Variants in NKAIN3 observed in about 807,000 individuals in gnomAD.
The protein encoded by NKAIN3 is sodium/potassium transporting ATPase interacting 3.
NKAIN3 carries 25 observed loss-of-function variants against 30.2 expected under a neutral mutation model. That is an observed-to-expected ratio of 0.83 (90% CI 0.60 to 1.16). The LOEUF is 1.16. Among genes scored for constraint, NKAIN3 ranks in the 50% most tolerant of loss-of-function variants. NKAIN3 has a pLI of 0.00. For missense variants in NKAIN3, 225 were observed against 254.1 expected, an observed-to-expected ratio of 0.89 and a Z score of 0.78; for synonymous variants, 91 against 89.6, an observed-to-expected ratio of 1.02 and a Z score of -0.09.
At chr8:62,442,477 A>G (rs373823660) in intron 1 of NKAIN3, among the ~76,000 whole-genome samples, 55 of 151,996 alleles carry the variant, frequency 3.6e-4, no homozygotes, top group African/African-American at 1.3e-3. Flanking sequence ...TTGCCCTCCC[A>G]TAGACACTGA....
At chr8:62,438,110 G>A (rs569909328) in intron 1 of NKAIN3, among the ~76,000 whole-genome samples, 1 of 152,308 alleles carries the variant, frequency 6.6e-6, no homozygotes, top group Admixed American at 6.5e-5. Flanking sequence ...CGGGGCAGCT[G>A]TGCAGCTTCC....
At chr8:62,489,026 ATTTG>A (rs1034344406) in intron 1 of NKAIN3, among the ~76,000 whole-genome samples, 2 of 152,144 alleles carry the variant, frequency 1.3e-5, no homozygotes, top group African/African-American at 4.8e-5. Context: ...ACAATCATCT[ATTTG>A]TTTAATTTGA....
chr8:62,296,188 G>A (rs2129587497), intron 1 of NKAIN3, among the ~76,000 whole-genome samples: 1 of 152,262 alleles, frequency 6.6e-6, no homozygotes, highest in East Asian at 1.9e-4. Flanking sequence ...CTCCTTCATA[G>A]GGAAATTAAA....
rs145998072 is a variant in NKAIN3 at position 62,520,102 on chromosome 8, A to T, written c.55-59437A>T. On this transcript the variant is annotated intron_variant, in intron 1 of 6. Coordinates refer to ENST00000623646, the MANE Select transcript of NKAIN3 (RefSeq NM_001304533.3). ...AACTTTTTTTGTATACATTAGATGT[A>T]TGTCACCCACCTTAGATTTGTAGCA... 5.9e-5 allele frequency among the ~76,000 whole-genome samples: 9 copies of T among 152,306 alleles called. No homozygotes were observed. The East Asian group carries it at 1.4e-3, about 23-fold the overall frequency.
At chr8:62,833,437 C>T (rs1819258205) in intron 4 of NKAIN3, among the ~76,000 whole-genome samples, 1 of 151,328 alleles carries the variant, frequency 6.6e-6, no homozygotes, top group East Asian at 1.9e-4. Context: ...GCTAGATTAA[C>T]AAAGAAAAAA....
chr8:62,819,912 G>T (rs1194286515), intron 4 of NKAIN3, among the ~76,000 whole-genome samples: 1 of 152,066 alleles, frequency 6.6e-6, no homozygotes, highest in Non-Finnish European at 1.5e-5. Flanking sequence ...AATATAAAAT[G>T]TTTGGAGCTA....
At chr8:62,514,980 T>C (rs1158115375) in intron 1 of NKAIN3, among the ~76,000 whole-genome samples, 2 of 152,142 alleles carry the variant, frequency 1.3e-5, no homozygotes, top group African/African-American at 4.8e-5. Flanking sequence ...ATAATCATAA[T>C]CCTTAGTTTG....
At chr8:62,798,991 C>A (rs185495551) in intron 4 of NKAIN3, among the ~76,000 whole-genome samples, 2 of 152,108 alleles carry the variant, frequency 1.3e-5, no homozygotes, top group Admixed American at 1.3e-4. Context: ...ACTCACAGGA[C>A]CAAGGTGTCC....
intron 3 of NKAIN3, among the ~76,000 whole-genome samples, chr8:62,603,264 A>G (rs763620249): frequency 1.3e-5 from 2 of 152,176 alleles, no homozygotes; most frequent in Non-Finnish European, 2.9e-5. Context: ...TGCAACAATT[A>G]ACAAATTATA....
intron 3 of NKAIN3, among the ~76,000 whole-genome samples, chr8:62,729,011 A>AAAAT (rs1815360611): frequency 2.8e-5 from 1 of 36,052 alleles, no homozygotes; most frequent in Non-Finnish European, 5.1e-5. Context: ...AAAACAAAAC[A>AAAAT]AAACAAACAA....
intron 3 of NKAIN3, among the ~76,000 whole-genome samples, chr8:62,697,523 T>A (rs984385900): frequency 6.6e-6 from 1 of 152,220 alleles, no homozygotes; most frequent in African/African-American, 2.4e-5. Flanking sequence ...TTCTTTTTTT[T>A]ACATAATATT....
chr8:62,670,974 C>T (rs1304913988), intron 3 of NKAIN3, among the ~76,000 whole-genome samples: 1 of 151,406 alleles, frequency 6.6e-6, no homozygotes, highest in East Asian at 1.9e-4. Flanking sequence ...AAAAATTGAA[C>T]ATTTACAGTG....
chr8:62,577,709 T>C (rs964652089), intron 1 of NKAIN3, among the ~76,000 whole-genome samples: 3 of 151,168 alleles, frequency 2.0e-5, no homozygotes, highest in African/African-American at 7.3e-5. Flanking sequence ...AAGCAGGAGG[T>C]TGAAAACACT....
chr8:62,357,126 CAAAA>C (rs1275303915), intron 1 of NKAIN3, among the ~76,000 whole-genome samples: 2 of 151,544 alleles, frequency 1.3e-5, no homozygotes, highest in African/African-American at 2.4e-5. Flanking sequence ...AACAAACAAA[CAAAA>C]AAGGCATTCC....
chr8:62,850,320 A>C (rs911968131), intron 4 of NKAIN3, among the ~76,000 whole-genome samples: 3 of 151,716 alleles, frequency 2.0e-5, no homozygotes, highest in Non-Finnish European at 4.4e-5. Flanking sequence ...TTTTCTTGTA[A>C]ATTTGTTGGA....
At position 62,879,752 on chromosome 8, in the gene NKAIN3, A is replaced by G. The variant is rs537759900; in HGVS notation, c.472-38701A>G. On this transcript the variant is annotated intron_variant, in intron 4 of 6. Transcript: ENST00000623646. ...GGTCAGCAGCCTTTCATGGGAGTACATGTTGGTTTCAGGTCAAATCCATCC... is the reference window on the plus strand; with the variant it reads ...GGTCAGCAGCCTTTCATGGGAGTACGTGTTGGTTTCAGGTCAAATCCATCC... Among the ~76,000 whole-genome samples the G allele has an allele frequency of 6.6e-5, 10 of 152,268 alleles. No homozygotes were observed. In the East Asian group the frequency reaches 1.9e-3, roughly 29 times the overall value.
intron 3 of NKAIN3, among the ~76,000 whole-genome samples, chr8:62,706,342 C>A (rs1814520904): frequency 6.6e-6 from 1 of 152,088 alleles, no homozygotes; most frequent in Admixed American, 6.5e-5. Context: ...GAGGGACATG[C>A]AGCAGTGAAA....
intron 1 of NKAIN3, among the ~76,000 whole-genome samples, chr8:62,525,426 C>T (rs6981632): frequency 0.1 from 15,636 of 152,104 alleles, 2,543 homozygotes; most frequent in African/African-American, 0.35. Context: ...GTTTTGTACA[C>T]CAGCTTCTTG....
intron 5 of NKAIN3, among the ~76,000 whole-genome samples, chr8:62,942,361 A>G (rs906486971): frequency 2.7e-5 from 4 of 150,766 alleles, no homozygotes; most frequent in East Asian, 3.9e-4. Context: ...AAACTGCAAA[A>G]CATTGCTGAA....
Sources: allele counts gnomAD v4.1 joint callset (sites outside exome capture counted in the v4.1 genomes callset), GRCh38; gene constraint gnomAD v4.1.1; transcripts MANE v1.5; gene names NCBI Gene and HGNC (gene_info 2026-07-23, HGNC 2026-07-21).